The following CDC6 variants were observed in gnomAD, a reference collection of about 807,000 sequenced individuals.
CDC6 encodes cell division cycle 6, also known as DNA replication factor CDC6.
A neutral mutation model predicts 60.2 loss-of-function variants in CDC6; 46 were observed. The observed-to-expected ratio is 0.76, with a 90% CI of 0.60 to 0.98. The LOEUF (loss-of-function observed/expected upper bound fraction) is 0.98. Ranked by LOEUF, CDC6 falls within the 50% of genes least tolerant of loss-of-function variation. CDC6 has a pLI of 0.00. For missense variants in CDC6, 596 were observed against 652.9 expected, an observed-to-expected ratio of 0.91 and a Z score of 0.95; for synonymous variants, 210 against 233.2, an observed-to-expected ratio of 0.90 and a Z score of 0.90.
chr17:40,290,626 A>G (rs533873403), intron 2 of CDC6, among the ~76,000 whole-genome samples: 1 of 152,340 alleles, frequency 6.6e-6, no homozygotes, highest in South Asian at 2.1e-4. Flanking sequence ...CGAGGACAGT[A>G]CCAAACCCTA....
At chr17:40,301,181 G>T in intron 10 of CDC6, 151 bp downstream of exon 10, 1 of 720,290 alleles carries the variant, frequency 1.4e-6, no homozygotes, top group Non-Finnish European at 2.5e-6. Context: ...TATATAAAAG[G>T]CACCTATTTC....
intron 9 of CDC6, among the ~76,000 whole-genome samples, chr17:40,299,180 G>T (rs1428854639): frequency 9.5e-6 from 1 of 105,076 alleles, no homozygotes; most frequent in Non-Finnish European, 1.8e-5. Context: ...ACAGGGTCTC[G>T]CTCTGTCACC....
At position 40,301,500 on chromosome 17, in the gene CDC6, A is replaced by G. The variant is rs1442181642; in HGVS notation, c.1485A>G (p.Lys495=). ...LYEAYSKVCR[K]QQVAAVDQSE... ...AAGCCTACAGTAAAGTCTGTCGCAA[A>G]CAGCAGGTGGCGGCTGTGGACCAGT... The change falls in exon 11 of 12, where the codon AAA becomes AAG. Residue 495 remains lysine, a synonymous_variant. Transcript: ENST00000209728. The G allele has an allele frequency of 6.2e-7, 1 of 1,613,936 alleles. No homozygotes were observed. Among genetic ancestry groups the G allele is most frequent in the East Asian group, 2.2e-5 (1 of 44,890 alleles).
At position 40,289,454 on chromosome 17, in the gene CDC6, A is replaced by G. The variant is rs924845242; in HGVS notation, c.34A>G (p.Ile12Val). The G allele has an allele frequency of 3.1e-6, 5 of 1,613,864 alleles. No homozygotes were observed. The Admixed American group carries it at 5.0e-5, about 16-fold the overall frequency. ...AACCCGATCCCAGGCACAGGCTACA[A>G]TCAGTTTTCCAAAAAGGAAGCTGTC... ...PQTRSQAQAT[I>V]SFPKRKLSRA... The change falls in exon 2 of 12, where the codon ATC becomes GTC. Residue 12 changes from isoleucine to valine, a missense_variant. By Grantham distance (29) the Ile-to-Val change is conservative. Transcript: ENST00000209728.
chr17:40,293,759 A>C (rs2032810754), intron 5 of CDC6, 128 bp downstream of exon 5: 1 of 910,332 alleles, frequency 1.1e-6, no homozygotes, highest in Non-Finnish European at 1.8e-6. Flanking sequence ...AAGAGAAGGA[A>C]GATACACCTA....
In CDC6 at chr17:40,301,893, C is replaced by A; in HGVS notation, c.1594-19C>A. 2 of 1,488,202 alleles carry A rather than the reference C, an allele frequency of 1.3e-6. No individual in the cohort carries two copies. The highest frequency in any genetic ancestry group is 1.1e-5 in the South Asian group (1 of 88,454). 92.2% of individuals were successfully genotyped at this position (1,488,202 alleles called of 1,614,324 possible). ...TTGTGAGTTCCCCAGTGTGAAAAAT[C>A]CTTTTCTCTTCTTTCCAGGTGTTTT... On this transcript the variant is annotated intron_variant, in intron 11 of 11. Coordinates refer to ENST00000209728, the MANE Select transcript of CDC6 (RefSeq NM_001254.4).
intron 8 of CDC6, among the ~76,000 whole-genome samples, chr17:40,295,669 A>G (rs1567735530): frequency 6.6e-6 from 1 of 152,132 alleles, no homozygotes; most frequent in Non-Finnish European, 1.5e-5. Context: ...ACAGAGGGAG[A>G]AACAAATGAG....
At position 40,303,676 on chromosome 17, in the gene CDC6, AAC is replaced by A. The variant is rs1470143207; in HGVS notation, c.*1679_*1680del. On this transcript the variant is annotated 3_prime_UTR_variant, in exon 12 of 12. Transcript: ENST00000209728. ...CCTCTGAAGGTAGTTTGAACATGGA[AAC>A]ACAGTTCTATACCTAGAAGGTTGGA... is the stretch of plus-strand genomic sequence containing the variant. 3.3e-5 allele frequency: 5 copies of A among 152,248 alleles called. No homozygotes were observed. The highest frequency in any genetic ancestry group is 6.5e-5 in the Admixed American group (1 of 15,292). 9.4% of individuals were successfully genotyped at this position (152,248 alleles called of 1,614,324 possible).
chr17:40,296,421 T>C (rs1170637818), intron 8 of CDC6, among the ~76,000 whole-genome samples: 2 of 152,194 alleles, frequency 1.3e-5, no homozygotes, highest in Non-Finnish European at 2.9e-5. Context: ...GAGGAAACCA[T>C]TGAAGTTTCT....
Position 40,289,457 on chromosome 17 carries a change from A to G in CDC6, c.37A>G (p.Ser13Gly), listed in dbSNP as rs1467472628. 1 of 1,613,934 alleles carries G rather than the reference A, an allele frequency of 6.2e-7. No homozygotes were observed. Among genetic ancestry groups the G allele is most frequent in the South Asian group, 1.1e-5 (1 of 91,072 alleles). Residue 13 changes from serine to glycine, a missense_variant, in exon 2 of 12, where the codon AGT becomes GGT. Transcript: ENST00000209728. The part of the protein sequence containing the change: ...QTRSQAQATI[S>G]FPKRKLSRAL... ...CCGATCCCAGGCACAGGCTACAATC[A>G]GTTTTCCAAAAAGGAAGCTGTCTCG...
At chr17:40,290,262 T>C (rs1278125621) in intron 2 of CDC6, among the ~76,000 whole-genome samples, 1 of 152,248 alleles carries the variant, frequency 6.6e-6, no homozygotes, top group Non-Finnish European at 1.5e-5. Context: ...ATGAATATTT[T>C]CCATCCTTTA....
intron 6 of CDC6, 32 bp from the exon 7 acceptor site, chr17:40,294,332 C>G: frequency 1.3e-6 from 2 of 1,532,328 alleles, no homozygotes; most frequent in Non-Finnish European, 1.8e-6. Flanking sequence ...GATAATTTGA[C>G]CAATGATCAA....
chr17:40,291,710 T>C (rs1384597182), intron 4 of CDC6, 42 bp downstream of exon 4: 2 of 1,541,606 alleles, frequency 1.3e-6, no homozygotes, highest in Non-Finnish European at 9.0e-7. Context: ...GGTAAAATGA[T>C]ACTTGGGTGT....
chr17:40,297,698 G>A (rs1304247471), intron 9 of CDC6, among the ~76,000 whole-genome samples: 2 of 152,168 alleles, frequency 1.3e-5, no homozygotes, highest in African/African-American at 4.8e-5. Context: ...AGCTGGAGAG[G>A]CAGAAGTTGC....
Position 40,293,481 on chromosome 17 carries a change from T to A in CDC6, c.686T>A (p.Ile229Asn), listed in dbSNP as rs2032801854. ...LKKELKGFKT[I>N]MLNCMSLRTA... ...AAGGAACTGAAAGGCTTTAAAACTATCATGCTGAATTGCATGTCCTTGAGG... is the reference window on the plus strand; with the variant it reads ...AAGGAACTGAAAGGCTTTAAAACTAACATGCTGAATTGCATGTCCTTGAGG... Residue 229 changes from isoleucine to asparagine, a missense_variant, in exon 5 of 12, where the codon ATC becomes AAC. Coordinates refer to ENST00000209728, the MANE Select transcript of CDC6 (RefSeq NM_001254.4). 1 of 1,613,972 alleles carries A rather than the reference T, an allele frequency of 6.2e-7. No homozygotes were observed. The highest frequency in any genetic ancestry group is 8.5e-7 in the Non-Finnish European group (1 of 1,179,950).
intron 6 of CDC6, 118 bp from the exon 7 acceptor site, chr17:40,294,246 G>A (rs1242569868): frequency 2.1e-6 from 2 of 949,298 alleles, no homozygotes; most frequent in Middle Eastern, 2.1e-4. Flanking sequence ...GAGACAAGTG[G>A]CAAGCAACAA....
In CDC6 at chr17:40,291,060, G is replaced by C. The variant is rs563193240; in HGVS notation, c.181G>C (p.Asp61His). 14 of 1,613,876 alleles carry C rather than the reference G, an allele frequency of 8.7e-6. No homozygotes were observed. The highest frequency in any genetic ancestry group is 1.2e-5 in the Non-Finnish European group (14 of 1,179,976). Residue 61 changes from aspartate to histidine, a missense_variant and splice_region_variant, in exon 3 of 12, where the codon GAT becomes CAT. Physicochemically the swap from Asp to His is moderately conservative, Grantham distance 81. Coordinates refer to ENST00000209728, the MANE Select transcript of CDC6 (RefSeq NM_001254.4). Reference sequence around the variant, plus strand: ...ATTTTTATTTTATTGTGTTTCAGGCGATGACAACCTATGCAACACTCCCCA... The same window carrying C: ...ATTTTTATTTTATTGTGTTTCAGGCCATGACAACCTATGCAACACTCCCCA... ...LPLSPRKRLG[D>H]DNLCNTPHLP...
chr17:40,293,687 A>G (rs1382681536), intron 5 of CDC6, 56 bp downstream of exon 5: 8 of 1,347,536 alleles, frequency 5.9e-6, no homozygotes, highest in East Asian at 2.3e-5. Flanking sequence ...TCTGTTGCCC[A>G]TAAAAAGTAC....
intron 4 of CDC6, among the ~76,000 whole-genome samples, chr17:40,292,297 G>A (rs2032775562): frequency 6.6e-6 from 1 of 151,776 alleles, no homozygotes; most frequent in Admixed American, 6.5e-5. Context: ...CCAAAGTGCT[G>A]GGATTACAGG....
Sources: gnomAD v4.1 joint callset for allele counts (sites outside exome capture counted in the v4.1 genomes callset) on GRCh38, gnomAD v4.1.1 for gene constraint, MANE v1.5 for transcripts, NCBI Gene and HGNC (gene_info 2026-07-23, HGNC 2026-07-21) for gene names.